ZNF407: variants seen among roughly 807,000 people sequenced by gnomAD.
ZNF407 encodes zinc finger protein 407.
ZNF407 carries 17 observed loss-of-function variants against 131.2 expected under a neutral mutation model. That is an observed-to-expected ratio of 0.13 (90% CI 0.09 to 0.19). The LOEUF is 0.19. Among genes scored for constraint, ZNF407 ranks in the 10% least tolerant of loss-of-function variants. The pLI, the probability that ZNF407 is intolerant of heterozygous loss-of-function variation, is 1.00. For synonymous variants in ZNF407, 1,156 were observed against 1,062.0 expected (o/e 1.09, Z -1.72); for missense variants, 2,681 against 2,830.6 (o/e 0.95, Z 1.20).
chr18:75,028,832 G>T (rs1973202432), intron 8 of ZNF407, among the ~76,000 whole-genome samples: 1 of 152,198 alleles, frequency 6.6e-6, no homozygotes, highest in African/African-American at 2.4e-5. Context: ...TTACATTTGT[G>T]TCTGTCTCCT....
chr18:74,768,244 T>G (rs1409841931), intron 3 of ZNF407, among the ~76,000 whole-genome samples: 2 of 152,330 alleles, frequency 1.3e-5, no homozygotes, highest in East Asian at 3.9e-4. Flanking sequence ...CATTTCTCCC[T>G]GATGTTCAGT....
intron 1 of ZNF407, among the ~76,000 whole-genome samples, chr18:74,599,593 A>G (rs925866690): frequency 1.3e-5 from 2 of 152,192 alleles, no homozygotes; most frequent in Non-Finnish European, 2.9e-5. Flanking sequence ...CGGCTGATTG[A>G]TGGTGGGGAG....
chr18:74,752,463 G>T (rs1968829285), intron 3 of ZNF407, among the ~76,000 whole-genome samples: 1 of 152,156 alleles, frequency 6.6e-6, no homozygotes, highest in African/African-American at 2.4e-5. Context: ...CCTATGTCCT[G>T]AATGGTAGTG....
At chr18:75,014,029 C>T (rs190584744) in intron 8 of ZNF407, among the ~76,000 whole-genome samples, 73 of 150,408 alleles carry the variant, frequency 4.9e-4, no homozygotes, top group African/African-American at 1.7e-3. Context: ...AAGAAAAAAG[C>T]CTTCAACTTC....
chr18:74,905,700 A>G (rs2145214438), intron 7 of ZNF407: 1 of 152,362 alleles, frequency 6.6e-6, no homozygotes, highest in African/African-American at 2.4e-5. Flanking sequence ...TGTCCTAAGA[A>G]CTAGTTTCAA....
At chr18:74,928,887 G>A (rs1422066788) in intron 8 of ZNF407, among the ~76,000 whole-genome samples, 2 of 152,054 alleles carry the variant, frequency 1.3e-5, no homozygotes, top group African/African-American at 4.8e-5. Context: ...TTTATTTTTG[G>A]CTTGTGTCTA....
At chr18:74,812,802 AT>A (rs930924086) in intron 4 of ZNF407, among the ~76,000 whole-genome samples, 7 of 151,692 alleles carry the variant, frequency 4.6e-5, no homozygotes, top group African/African-American at 1.7e-4. Flanking sequence ...AGTTTTTATG[AT>A]TTTTTTTAAT....
chr18:74,803,365 G>T (rs1230991686), intron 4 of ZNF407, among the ~76,000 whole-genome samples: 1 of 152,154 alleles, frequency 6.6e-6, no homozygotes, highest in African/African-American at 2.4e-5. Context: ...GCTAGTGCTG[G>T]TGCTGGTCCT....
At chr18:74,643,165 G>A (rs17055295) in intron 3 of ZNF407, among the ~76,000 whole-genome samples, 1 of 152,044 alleles carries the variant, frequency 6.6e-6, no homozygotes, top group Non-Finnish European at 1.5e-5. Context: ...GCAAGGATTG[G>A]TTATCAGATT....
At chr18:74,899,915 A>G (rs911645304) in intron 7 of ZNF407, among the ~76,000 whole-genome samples, 3 of 152,242 alleles carry the variant, frequency 2.0e-5, no homozygotes, top group Non-Finnish European at 4.4e-5. Context: ...TGGTGTTCAC[A>G]GAAACTTTGC....
intron 8 of ZNF407, among the ~76,000 whole-genome samples, chr18:75,016,383 C>T (rs1973044294): frequency 6.6e-6 from 1 of 152,064 alleles, no homozygotes; most frequent in Non-Finnish European, 1.5e-5. Context: ...TATGTAGTTT[C>T]AACTTATTTC....
At chr18:75,059,690 C>T (rs777283824) in intron 8 of ZNF407, among the ~76,000 whole-genome samples, 2 of 152,134 alleles carry the variant, frequency 1.3e-5, no homozygotes, top group African/African-American at 2.4e-5. Flanking sequence ...ATCAGCCACA[C>T]GGGCCCGGCT....
intron 8 of ZNF407, among the ~76,000 whole-genome samples, chr18:74,927,972 G>T (rs953019627): frequency 6.6e-6 from 1 of 152,020 alleles, no homozygotes; most frequent in African/African-American, 2.4e-5. Flanking sequence ...TCTATTATTT[G>T]TATGTTACCT....
At chr18:74,875,831 A>G (rs1971148444) in intron 4 of ZNF407, among the ~76,000 whole-genome samples, 1 of 152,202 alleles carries the variant, frequency 6.6e-6, no homozygotes, top group African/African-American at 2.4e-5. Context: ...TTAATGAAGC[A>G]TTTAACTTAT....
rs1973458151 is a variant in ZNF407 at position 75,048,217 on chromosome 18, T to C, written c.5429-14933T>C. Among the ~76,000 whole-genome samples, 1 of 152,206 alleles carries C rather than the reference T, an allele frequency of 6.6e-6. No individual in the cohort carries two copies. Among genetic ancestry groups the C allele is most frequent in the Non-Finnish European group, 1.5e-5 (1 of 68,044 alleles). On this transcript the variant is annotated intron_variant, in intron 8 of 8. Coordinates refer to ENST00000299687, the MANE Select transcript of ZNF407 (RefSeq NM_017757.3). This position sits in a 1 kb window ranked among gnomAD's most constrained non-coding sequence, Gnocchi z 4.1. ...CCTGTACAGACACCGCCCTTTTTGC[T>C]CTCAATGGTATTCTGATTTCACTGA...
intron 8 of ZNF407, among the ~76,000 whole-genome samples, chr18:75,017,587 C>T (rs1001430276): frequency 4.6e-5 from 7 of 152,160 alleles, no homozygotes; most frequent in African/African-American, 1.7e-4. Context: ...CAGGTTGGTG[C>T]ATAACACTTC....
chr18:74,634,429 A>G lies in ZNF407; in HGVS notation c.3410A>G (p.Asp1137Gly), dbSNP rs753148930. 1.2e-6 allele frequency: 2 copies of G among 1,613,568 alleles called. No individual in the cohort carries two copies. Among genetic ancestry groups the G allele is most frequent in the Non-Finnish European group, 8.5e-7 (1 of 1,179,860 alleles). The change falls in exon 2 of 9, where the codon GAT becomes GGT. Residue 1137 changes from aspartate to glycine, a missense_variant. By Grantham distance (94) the Asp-to-Gly change is moderately conservative. Around this residue, in one of 6 missense-constraint regions of ZNF407, gnomAD observed 1,789 missense variants for 1,748.7 expected, o/e 1.02. Transcript: ENST00000299687. ...CSILNENTNL[D>G]MSKVLCAADS... ...ATTTTAAATGAGAATACTAATTTAG[A>G]TATGTCTAAAGTGCTCTGCGCTGCT...
At chr18:74,748,438 G>A (rs757353815) in intron 3 of ZNF407, among the ~76,000 whole-genome samples, 6 of 151,944 alleles carry the variant, frequency 3.9e-5, no homozygotes, top group Middle Eastern at 6.8e-3. Flanking sequence ...CACATTACAG[G>A]TTTAATTTAA....
intron 3 of ZNF407, among the ~76,000 whole-genome samples, chr18:74,683,685 C>T (rs973570806): frequency 6.6e-6 from 1 of 152,114 alleles, no homozygotes; most frequent in Admixed American, 6.5e-5. Flanking sequence ...GATTTATGGC[C>T]AACATGTAGC....
Sources: gnomAD v4.1 joint callset for allele counts (sites outside exome capture counted in the v4.1 genomes callset) on GRCh38, gnomAD v4.1.1 for gene constraint, gnomAD v4.1.1 regional missense constraint, Gnocchi (gnomAD v3.1) non-coding constraint, MANE v1.5 for transcripts, NCBI Gene and HGNC (gene_info 2026-07-23, HGNC 2026-07-21) for gene names.